Variants in CCDC7 observed in about 807,000 individuals in gnomAD.
CCDC7 encodes coiled-coil domain containing 7.
A neutral mutation model predicts 196.9 loss-of-function variants in CCDC7; 183 were observed. The observed-to-expected ratio is 0.93, with a 90% CI of 0.82 to 1.05. The LOEUF (loss-of-function observed/expected upper bound fraction) is 1.05. Ranked by LOEUF, CCDC7 falls within the 50% of genes least tolerant of loss-of-function variation. The probability of loss-of-function intolerance (pLI) is 0.00; values close to 1 mark genes in which losing one functional copy is unlikely to be tolerated. For synonymous variants in CCDC7, 525 were observed against 484.6 expected (o/e 1.08, Z -1.10); for missense variants, 1,540 against 1,482.2 (o/e 1.04, Z -0.64).
chr10:32,766,272 C>G (rs1229203706), intron 28 of CCDC7, among the ~76,000 whole-genome samples: 1 of 151,966 alleles, frequency 6.6e-6, no homozygotes, highest in African/African-American at 2.4e-5. Context: ...AGGTATAATG[C>G]CTATTTGACT....
chr10:32,704,450 G>T (rs12773490), intron 24 of CCDC7, among the ~76,000 whole-genome samples: 1 of 151,560 alleles, frequency 6.6e-6, no homozygotes, highest in Non-Finnish European at 1.5e-5. Flanking sequence ...AGGCTACTCA[G>T]GGGTCAGGGA....
At chr10:32,632,153 T>C (rs2064969180) in intron 18 of CCDC7, among the ~76,000 whole-genome samples, 1 of 98,238 alleles carries the variant, frequency 1.0e-5, no homozygotes. Context: ...GGGGGGGGGG[T>C]CTAATTTCTC....
At chr10:32,558,479 T>C (rs2054736158) in intron 13 of CCDC7, among the ~76,000 whole-genome samples, 1 of 152,146 alleles carries the variant, frequency 6.6e-6, no homozygotes, top group Non-Finnish European at 1.5e-5. Context: ...TCTTCTTTTC[T>C]TTGTGTAATT....
At chr10:32,826,153 T>G (rs1365506439) in intron 32 of CCDC7, among the ~76,000 whole-genome samples, 2 of 152,166 alleles carry the variant, frequency 1.3e-5, no homozygotes, top group African/African-American at 2.4e-5. Context: ...ACATCCCTGT[T>G]TGCTTCTAGA....
chr10:32,597,929 C>T (rs1050634263), intron 18 of CCDC7, among the ~76,000 whole-genome samples: 2 of 152,184 alleles, frequency 1.3e-5, no homozygotes, highest in African/African-American at 4.8e-5. Context: ...GGAGGTGCCT[C>T]CCAATTAGGC....
chr10:32,705,501 C>T (rs1270346059), intron 24 of CCDC7, among the ~76,000 whole-genome samples: 2 of 151,982 alleles, frequency 1.3e-5, no homozygotes, highest in East Asian at 1.9e-4. Context: ...GCTAAATGCC[C>T]CAATTAAAAG....
At chr10:32,559,015 A>C (rs2054857257) in intron 13 of CCDC7, among the ~76,000 whole-genome samples, 1 of 152,206 alleles carries the variant, frequency 6.6e-6, no homozygotes, top group Non-Finnish European at 1.5e-5. Context: ...AGGAGATTAT[A>C]TCCCGCACAT....
chr10:32,517,854 A>T (rs2047277955), intron 9 of CCDC7, 91 bp from the exon 11 acceptor site: 1 of 1,446,616 alleles, frequency 6.9e-7, no homozygotes, highest in Admixed American at 2.0e-5. Flanking sequence ...ATTACTGAAT[A>T]CCAAAAGAAA....
chr10:32,732,960 T>G (rs1157944602), intron 28 of CCDC7, among the ~76,000 whole-genome samples: 1 of 152,158 alleles, frequency 6.6e-6, no homozygotes, highest in Non-Finnish European at 1.5e-5. Flanking sequence ...AAATCCAATG[T>G]GGCAAACTTT....
intron 31 of CCDC7, among the ~76,000 whole-genome samples, chr10:32,820,262 G>A (rs1221650878): frequency 3.9e-5 from 6 of 152,158 alleles, no homozygotes; most frequent in Non-Finnish European, 5.9e-5. Flanking sequence ...CAAGGGACAG[G>A]AAGGACCTCT....
At chr10:32,457,931 G>A (rs747258757) in intron 3 of CCDC7, among the ~76,000 whole-genome samples, 2 of 151,482 alleles carry the variant, frequency 1.3e-5, no homozygotes, top group Non-Finnish European at 2.9e-5. Flanking sequence ...TTAATCACTT[G>A]TTAGATGAAT....
chr10:32,743,678 A>G (rs1039021564), intron 28 of CCDC7, among the ~76,000 whole-genome samples: 2 of 152,304 alleles, frequency 1.3e-5, no homozygotes, highest in Middle Eastern at 3.4e-3. Context: ...TGCTATAAAG[A>G]CACATGCACA....
chr10:32,577,002 T>G (rs2058271788), intron 16 of CCDC7, among the ~76,000 whole-genome samples: 4 of 152,178 alleles, frequency 2.6e-5, no homozygotes, highest in Admixed American at 2.6e-4. Flanking sequence ...AATATAAGAA[T>G]TGAGCTTGTG....
At chr10:32,698,346 A>G (rs1194272262) in intron 24 of CCDC7, among the ~76,000 whole-genome samples, 2 of 152,200 alleles carry the variant, frequency 1.3e-5, no homozygotes, top group East Asian at 3.9e-4. Context: ...TGGACGGAGA[A>G]TGACTTTGAC....
At chr10:32,692,899 G>A (rs1763783) in intron 23 of CCDC7, among the ~76,000 whole-genome samples, 126,848 of 152,016 alleles carry the variant, frequency 0.83, 53,534 homozygotes, top group Non-Finnish European at 0.9. Flanking sequence ...ACAAGAAGCT[G>A]TTTTCCATTT....
chr10:32,707,997 A>T (rs1314145722), intron 24 of CCDC7, among the ~76,000 whole-genome samples: 1 of 152,192 alleles, frequency 6.6e-6, no homozygotes, highest in Non-Finnish European at 1.5e-5. Flanking sequence ...AAACCAAAAA[A>T]GAGCCCGCAT....
chr10:32,839,117 A>G (rs1379430379), intron 33 of CCDC7, among the ~76,000 whole-genome samples: 1 of 152,018 alleles, frequency 6.6e-6, no homozygotes, highest in African/African-American at 2.4e-5. Context: ...GGTAAGATGA[A>G]TGGAATAGTA....
At chr10:32,693,683 G>A (rs1214752494) in intron 23 of CCDC7, among the ~76,000 whole-genome samples, 2 of 152,088 alleles carry the variant, frequency 1.3e-5, no homozygotes, top group South Asian at 2.1e-4. Context: ...TCCTAGCCAG[G>A]CACATGGTCT....
chr10:32,539,383 T>G (rs1256272016), intron 11 of CCDC7, among the ~76,000 whole-genome samples: 2 of 152,150 alleles, frequency 1.3e-5, no homozygotes, highest in Non-Finnish European at 2.9e-5. Flanking sequence ...ACATCTGCTT[T>G]GTCATCTCTA....
Sources: gnomAD v4.1 joint callset for allele counts (sites outside exome capture counted in the v4.1 genomes callset) on GRCh38, gnomAD v4.1.1 for gene constraint, MANE v1.5 for transcripts, NCBI Gene and HGNC (gene_info 2026-07-23, HGNC 2026-07-21) for gene names.